ZNF783: variants seen among roughly 807,000 people sequenced by gnomAD.
The protein encoded by ZNF783 is protein ZNF783.
ZNF783 carries 25 observed loss-of-function variants against 31.3 expected under a neutral mutation model. That is an observed-to-expected ratio of 0.80 (90% CI 0.58 to 1.11). ZNF783 has a LOEUF of 1.11. Among genes scored for constraint, ZNF783 ranks in the 50% most tolerant of loss-of-function variants. The pLI is 0.00. For synonymous variants in ZNF783, 369 were observed against 319.1 expected (o/e 1.16, Z -1.66); for missense variants, 797 against 760.0 (o/e 1.05, Z -0.57).
In ZNF783 at chr7:149,283,651, C is replaced by T. The variant is rs1005019447; in HGVS notation, c.*1308C>T. 1 of 152,228 alleles carries T rather than the reference C, an allele frequency of 6.6e-6. No homozygotes were observed. 9.4% of individuals were successfully genotyped at this position (152,228 alleles called of 1,614,324 possible). On this transcript the variant is annotated 3_prime_UTR_variant, in exon 6 of 6. Coordinates refer to ENST00000434415, the MANE Select transcript of ZNF783 (RefSeq NM_001195220.2). ...GGGGCAGTCTCCTCTCAAAGGAGTTCTCCCTTGAGCACTTTGGGCTCTGGG... is the reference window on the plus strand; with the variant it reads ...GGGGCAGTCTCCTCTCAAAGGAGTTTTCCCTTGAGCACTTTGGGCTCTGGG...
At chr7:149,262,412 G>T (rs1796947017) in intron 1 of ZNF783, 55 bp downstream of exon 1, 1 of 1,202,206 alleles carries the variant, frequency 8.3e-7, no homozygotes. Flanking sequence ...CGCCGCGTGA[G>T]CCCGCGCGAG....
At chr7:149,268,570 T>C (rs1354979756) in intron 4 of ZNF783, among the ~76,000 whole-genome samples, 1 of 152,210 alleles carries the variant, frequency 6.6e-6, no homozygotes, top group Non-Finnish European at 1.5e-5. Context: ...GTGAGCATAG[T>C]ACCCAAGCTT....
At chr7:149,272,175 G>A (rs1797223772) in intron 4 of ZNF783, among the ~76,000 whole-genome samples, 1 of 151,982 alleles carries the variant, frequency 6.6e-6, no homozygotes, top group South Asian at 2.1e-4. Context: ...GCGCCACCAC[G>A]CCTGGCTAAT....
chr7:149,263,265 CGTGTGTGTGTGTGTGTGT>C (rs56067256), intron 1 of ZNF783, among the ~76,000 whole-genome samples: 22 of 121,436 alleles, frequency 1.8e-4, no homozygotes, highest in African/African-American at 3.2e-4. Context: ...TATATATATA[CGTGTGTGTGTGTGTGTGT>C]GTGTGTGTGT....
rs377183888 is a variant in ZNF783, at chr7:149,278,457, G to A, written c.732G>A (p.Leu244=). 3 of 1,599,228 alleles carry A rather than the reference G, an allele frequency of 1.9e-6. No individual in the cohort carries two copies. Among genetic ancestry groups the A allele is most frequent in the Non-Finnish European group, 2.5e-6 (3 of 1,179,778 alleles). ...TSPLSPAQEE[L]KEGQAPKQQQ... ...CACTTAGCCCTGCCCAGGAGGAGCT[G>A]AAAGAAGGGCAGGCCCCCAAGCAGC... is the stretch of plus-strand genomic sequence containing the variant. Residue 244 remains leucine, a synonymous_variant, in exon 5 of 6, where the codon CTG becomes CTA. Transcript: ENST00000434415.
rs1418326868 is a variant in ZNF783 at position 149,267,138 on chromosome 7, A to C, written c.589A>C (p.Arg197=). 4 of 1,599,306 alleles carry C rather than the reference A, an allele frequency of 2.5e-6. No individual in the cohort carries two copies. The highest frequency in any genetic ancestry group is 3.4e-6 in the Non-Finnish European group (4 of 1,179,758). ...ACCAGACATCCTCACCCGGATAGAG[A>C]GGGGAGAGGAGCCTTGTCTTGACCG... ...SKPDILTRIE[R]GEEPCLDRWG... is the part of the protein sequence containing the mutation. The change falls in exon 4 of 6, where the codon AGG becomes CGG. Residue 197 remains arginine (R), a synonymous_variant. Transcript: ENST00000434415.
chr7:149,281,849 T>C lies in ZNF783; in HGVS notation c.1147T>C (p.Ser383Pro). 6.7e-7 allele frequency: 1 copy of C among 1,494,790 alleles called. No individual in the cohort carries two copies. 92.6% of individuals were successfully genotyped at this position (1,494,790 alleles called of 1,614,324 possible). The change falls in exon 6 of 6, where the codon TCG becomes CCG. Residue 383 changes from serine to proline, a missense_variant. Transcript: ENST00000434415. ...EEGRQEAPGR[S>P]PTSCGDSQAM... Reference sequence around the variant, plus strand: ...GGGGCGGCAGGAGGCCCCCGGCCGCTCGCCCACCAGCTGCGGGGACAGCCA... The same window carrying C: ...GGGGCGGCAGGAGGCCCCCGGCCGCCCGCCCACCAGCTGCGGGGACAGCCA...
chr7:149,281,978 GT>G lies in ZNF783; in HGVS notation c.1277del (p.Val426GlyfsTer139), dbSNP rs1227404499. 1.6e-5 allele frequency: 25 copies of G among 1,573,996 alleles called. No individual in the cohort carries two copies. Among genetic ancestry groups the G allele is most frequent in the Non-Finnish European group, 2.1e-5 (25 of 1,167,992 alleles). On this transcript the variant is annotated frameshift_variant, in exon 6 of 6. Transcript: ENST00000434415. LOFTEE classifies it low-confidence loss of function (END_TRUNC). ...RRSVAGGRALVGRRPAASKMY... is the reference protein window; with the variant it reads ...RRSVAGGRALXGRRPAASKMY... ...CTCCGTGGCAGGGGGCCGTGCCTTG[GT>G]GGGGCGGCGGCCTGCAGCCAGCAAG...
At position 149,282,393 on chromosome 7, in the gene ZNF783, T is replaced by G. The variant is rs1252267518; in HGVS notation, c.*50T>G. The G allele has an allele frequency of 7.3e-7, 1 of 1,367,036 alleles. No homozygotes were observed. Among genetic ancestry groups the G allele is most frequent in the African/African-American group, 1.5e-5 (1 of 67,394 alleles). 84.7% of individuals were successfully genotyped at this position (1,367,036 alleles called of 1,614,324 possible). The stretch of plus-strand genomic sequence containing the variant: ...CCTGGCGGGGTCTCTCCCCTGTGCC[T>G]GACGCAGGTTCTTCCTTTTCCTGGG... On this transcript the variant is annotated 3_prime_UTR_variant, in exon 6 of 6. Transcript: ENST00000434415.
chr7:149,262,424 G>T (rs989016707), intron 1 of ZNF783, 67 bp downstream of exon 1: 19 of 1,177,890 alleles, frequency 1.6e-5, no homozygotes, highest in African/African-American at 6.4e-5. Flanking sequence ...CCGCGCGAGG[G>T]ACTCTGGCCG....
intron 4 of ZNF783, among the ~76,000 whole-genome samples, chr7:149,272,774 G>A (rs767210416): frequency 2.0e-5 from 3 of 152,026 alleles, no homozygotes; most frequent in Non-Finnish European, 4.4e-5. Context: ...ATTATAAAAT[G>A]TACAATTAAA....
chr7:149,279,200 C>T (rs1298043531), intron 5 of ZNF783, among the ~76,000 whole-genome samples: 1 of 152,252 alleles, frequency 6.6e-6, no homozygotes, highest in East Asian at 1.9e-4. Context: ...GGATCATCCT[C>T]CCTTCCCTGG....
chr7:149,272,041 TCTCA>T (rs1171948450), intron 4 of ZNF783, among the ~76,000 whole-genome samples: 4 of 151,856 alleles, frequency 2.6e-5, no homozygotes, highest in Non-Finnish European at 5.9e-5. Flanking sequence ...TGAGAAGGAG[TCTCA>T]CTCACTCTGT....
chr7:149,264,260 T>C (rs1469536185), intron 1 of ZNF783, among the ~76,000 whole-genome samples: 2 of 152,270 alleles, frequency 1.3e-5, no homozygotes, highest in African/African-American at 2.4e-5. Context: ...GAAGCAATTA[T>C]AGATTACTAG....
chr7:149,271,571 T>G (rs1215162744), intron 4 of ZNF783, among the ~76,000 whole-genome samples: 1 of 152,186 alleles, frequency 6.6e-6, no homozygotes, highest in Admixed American at 6.6e-5. Flanking sequence ...CATTTGTGTA[T>G]TTTTAGATTT....
At chr7:149,262,610 G>A (rs1435911996) in intron 1 of ZNF783, among the ~76,000 whole-genome samples, 1 of 152,220 alleles carries the variant, frequency 6.6e-6, no homozygotes, top group African/African-American at 2.4e-5. Context: ...AGCCAGGCCG[G>A]GCCCCAGAGT....
chr7:149,276,379 G>A, intron 4 of ZNF783: 1 of 988,414 alleles, frequency 1.0e-6, no homozygotes, highest in South Asian at 4.7e-5. Flanking sequence ...AACTTCAGAG[G>A]ATGATCCACT....
intron 4 of ZNF783, among the ~76,000 whole-genome samples, chr7:149,272,946 A>G (rs1189077869): frequency 6.7e-6 from 1 of 148,578 alleles, no homozygotes; most frequent in South Asian, 2.1e-4. Flanking sequence ...CTCTGTCTCC[A>G]TGAGTTCAAT....
chr7:149,262,371 GC>G lies in ZNF783; in HGVS notation c.24+18del. 2 of 1,279,674 alleles carry G rather than the reference GC, an allele frequency of 1.6e-6. No homozygotes were observed. Among genetic ancestry groups the G allele is most frequent in the Non-Finnish European group, 2.0e-6 (2 of 1,014,540 alleles). The allele number at this position is 1,279,674 out of a possible 1,614,324, so 79.3% of individuals were successfully genotyped here. The stretch of plus-strand genomic sequence containing the variant: ...GCGCCTGCCCGGGTAAGCGCCCTCG[GC>G]CCCGCGGACGCCCGGAAGGCCCAGG... On this transcript the variant is annotated intron_variant, in intron 1 of 5. Transcript: ENST00000434415.
Sources: allele counts gnomAD v4.1 joint callset (sites outside exome capture counted in the v4.1 genomes callset), GRCh38; gene constraint gnomAD v4.1.1; transcripts MANE v1.5; gene names NCBI Gene and HGNC (gene_info 2026-07-23, HGNC 2026-07-21).